ZNF318: variants seen among roughly 807,000 people sequenced by gnomAD.
The protein encoded by ZNF318 is zinc finger protein 318, also known as endocrine regulator.
A neutral mutation model predicts 124.2 loss-of-function variants in ZNF318; 51 were observed. That is an observed-to-expected ratio of 0.41 (90% CI 0.33 to 0.52). ZNF318 has a LOEUF of 0.52. Ranked by LOEUF, ZNF318 falls within the 20% of genes least tolerant of loss-of-function variation. The pLI is 0.23. For synonymous variants in ZNF318, 1,090 were observed against 1,040.7 expected (o/e 1.05, Z -0.91); for missense variants, 2,815 against 2,811.2 (o/e 1.00, Z -0.03).
chr6:43,357,763 T>A lies in ZNF318; in HGVS notation c.551A>T (p.Asp184Val). 6.3e-7 allele frequency: 1 copy of A among 1,582,210 alleles called. No homozygotes were observed. The highest frequency in any genetic ancestry group is 8.5e-7 in the Non-Finnish European group (1 of 1,173,054). ...PVDNLEDMDR[D>V]DLTDDSVFTR... Reference sequence around the variant, plus strand: ...GAAGACAGAATCATCAGTCAGGTCATCCCTGAGGAAAAAGAGAAGCATCAT... The same window carrying A: ...GAAGACAGAATCATCAGTCAGGTCAACCCTGAGGAAAAAGAGAAGCATCAT... Residue 184 changes from aspartate to valine, a missense_variant and splice_region_variant, in exon 3 of 10, where the codon GAT (aspartate) becomes GTT (valine). By Grantham distance (152) the Asp-to-Val change is radical. Around this residue, in one of 4 missense-constraint regions of ZNF318, gnomAD observed 1,377 missense variants for 1,353.5 expected, o/e 1.02. Coordinates refer to ENST00000361428, the MANE Select transcript of ZNF318 (RefSeq NM_014345.3).
Position 43,341,741 on chromosome 6 carries a change from A to C in ZNF318, c.3376+371T>G, listed in dbSNP as rs566847236. Among the ~76,000 whole-genome samples, 9 of 152,316 alleles carry C rather than the reference A, an allele frequency of 5.9e-5. No individual in the cohort carries two copies. The South Asian group carries it at 1.4e-3, about 25-fold the overall frequency. ...CTTACCCCTTAATAACAATGACTCAAAATATTGTATAGTTCTTAGTTGAAA... is the reference window on the plus strand; with the variant it reads ...CTTACCCCTTAATAACAATGACTCACAATATTGTATAGTTCTTAGTTGAAA... On this transcript the variant is annotated intron_variant, in intron 8 of 9. Transcript: ENST00000361428.
intron 2 of ZNF318, chr6:43,364,200 A>G (rs537887897): frequency 5.0e-5 from 37 of 746,518 alleles, no homozygotes; most frequent in African/African-American, 4.4e-4. Flanking sequence ...GGATTCACCA[A>G]GTCTCCCTAT....
Position 43,355,949 on chromosome 6 carries a change from T to A in ZNF318, c.1385A>T (p.Asp462Val), listed in dbSNP as rs769606351. 1.2e-6 allele frequency: 2 copies of A among 1,614,230 alleles called. No individual in the cohort carries two copies. The highest frequency in any genetic ancestry group is 2.2e-5 in the South Asian group (2 of 91,082). Residue 462 changes from aspartate to valine, a missense_variant, in exon 4 of 10, where the codon GAC becomes GTC. Physicochemically the swap from Asp to Val is radical, Grantham distance 152. This residue lies in a region of ZNF318 where 1,377 missense variants were observed against 1,353.5 expected (regional missense o/e 1.02). Transcript: ENST00000361428. ...QWGPLPGIPK[D>V]NSPLREKFGS... ...AAATTTTTCTCTGAGAGGACTGTTG[T>A]CTTTGGGAATCCCAGGAAGGGGACC... is the stretch of plus-strand genomic sequence containing the variant.
intron 6 of ZNF318, 51 bp from the exon 7 acceptor site, chr6:43,342,930 G>T: frequency 1.4e-6 from 2 of 1,471,012 alleles, no homozygotes; most frequent in Non-Finnish European, 1.9e-6. Context: ...ATCTAGACTT[G>T]TCTTCTGTTA....
At chr6:43,342,972 G>C in intron 6 of ZNF318, 93 bp from the exon 7 acceptor site, 13 of 924,016 alleles carry the variant, frequency 1.4e-5, no homozygotes, top group Non-Finnish European at 1.9e-5. Flanking sequence ...AATAGAAATA[G>C]GGCCATATGA....
chr6:43,357,337 T>C lies in ZNF318; in HGVS notation c.977A>G (p.Glu326Gly). The C allele has an allele frequency of 6.2e-7, 1 of 1,614,132 alleles. No individual in the cohort carries two copies. The highest frequency in any genetic ancestry group is 8.5e-7 in the Non-Finnish European group (1 of 1,180,018). The part of the protein sequence containing the change: ...RELDLARRKR[E>G]EEEERSRSLS... The stretch of plus-strand genomic sequence containing the variant: ...GCTCCTACTTCGCTCCTCCTCTTCC[T>C]CTCGCTTTCGTCTGGCAAGATCCAG... The change falls in exon 3 of 10, where the codon GAG becomes GGG. Residue 326 changes from glutamate to glycine, a missense_variant. Coordinates refer to ENST00000361428, the MANE Select transcript of ZNF318 (RefSeq NM_014345.3).
chr6:43,353,376 C>CTTT (rs11435695), intron 4 of ZNF318, among the ~76,000 whole-genome samples: 11 of 142,014 alleles, frequency 7.7e-5, no homozygotes, highest in South Asian at 2.2e-4. Flanking sequence ...TTCTTCAGAA[C>CTTT]TTTTTTTTTT....
rs1779290249 is a variant in ZNF318, at chr6:43,337,101, G to A, written c.*57C>T. 1.4e-6 allele frequency: 2 copies of A among 1,453,504 alleles called. No homozygotes were observed. Among genetic ancestry groups the A allele is most frequent in the Non-Finnish European group, 1.8e-6 (2 of 1,087,172 alleles). 90.0% of individuals were successfully genotyped at this position (1,453,504 alleles called of 1,614,324 possible). A position where few individuals can be genotyped will look rare whatever the true frequency, so the allele number is the denominator to read the frequency against. ...TAACAAACTAGTCTTGGATCATCTG[G>A]GCATCTGATTTCTAGAAGCCAATGA... On this transcript the variant is annotated 3_prime_UTR_variant, in exon 10 of 10. Coordinates refer to ENST00000361428, the MANE Select transcript of ZNF318 (RefSeq NM_014345.3).
chr6:43,337,205 T>C lies in ZNF318; in HGVS notation c.6793A>G (p.Thr2265Ala), dbSNP rs368872095. ...GTGTGGTCCTGGATGGCACCAACTG[T>C]AGTTTCCTGTTCAGGCATTCCCTGA... ...VPQGMPEQETTVGAIQDHTES... is the reference protein window; with the variant it reads ...VPQGMPEQETAVGAIQDHTES... Residue 2265 changes from threonine to alanine, a missense_variant, in exon 10 of 10, where the codon ACA (threonine) becomes GCA (alanine). By Grantham distance (58) the Thr-to-Ala change is moderately conservative (BLOSUM62 0). Transcript: ENST00000361428. The C allele has an allele frequency of 7.4e-6, 12 of 1,613,352 alleles. No individual in the cohort carries two copies. Among genetic ancestry groups the C allele is most frequent in the Non-Finnish European group, 1.0e-5 (12 of 1,179,624 alleles).
chr6:43,344,020 A>C (rs2150750295), intron 6 of ZNF318, among the ~76,000 whole-genome samples: 1 of 152,264 alleles, frequency 6.6e-6, no homozygotes, highest in African/African-American at 2.4e-5. Context: ...CAGGAAAAAA[A>C]GATAATTTTT....
chr6:43,340,543 T>C (rs1779360654), intron 9 of ZNF318, 41 bp from the exon 10 acceptor site: 2 of 1,540,936 alleles, frequency 1.3e-6, no homozygotes, highest in Non-Finnish European at 1.7e-6. Context: ...CTGGTGAAAA[T>C]ACAAGAGAAA....
Position 43,354,709 on chromosome 6 carries a change from T to C in ZNF318, c.2625A>G (p.Pro875=), listed in dbSNP as rs139052227. Residue 875 remains proline, a synonymous_variant, in exon 4 of 10, where the codon CCA becomes CCG. Coordinates refer to ENST00000361428, the MANE Select transcript of ZNF318 (RefSeq NM_014345.3). ...VSIPSLIRYN[P]EKISDEKNRA... ...GGTTCTTCTCATCAGAGATCTTCTCTGGATTATATCTTATGAGTGATGGAA... is the reference window on the plus strand; with the variant it reads ...GGTTCTTCTCATCAGAGATCTTCTCCGGATTATATCTTATGAGTGATGGAA... 5.6e-5 allele frequency: 90 copies of C among 1,613,688 alleles called. No individual in the cohort carries two copies. The highest frequency in any genetic ancestry group is 6.8e-5 in the Non-Finnish European group (80 of 1,179,942).
At chr6:43,368,570 C>T (rs1262523544) in intron 1 of ZNF318, 1 of 776,194 alleles carries the variant, frequency 1.3e-6, no homozygotes, top group East Asian at 1.3e-4. Context: ...CGGCTTTTTC[C>T]CCTAAGATCC....
rs1779577203 is a variant in ZNF318 at position 43,354,601 on chromosome 6, A to T, written c.2670+63T>A. The T allele has an allele frequency of 4.0e-6, 6 of 1,481,720 alleles. No individual in the cohort carries two copies. In the East Asian group the frequency reaches 1.4e-4, roughly 34 times the overall value. The allele number at this position is 1,481,720 out of a possible 1,614,324, so 91.8% of individuals were successfully genotyped here. On this transcript the variant is annotated intron_variant, in intron 4 of 9. Transcript: ENST00000361428. ...ACAAATTTTCAGCCCCTTCTAAAAA[A>T]CATATACAAATTTATGGCAAAACAG...
At position 43,337,441 on chromosome 6, in the gene ZNF318, T is replaced by A. The variant is rs549674215; in HGVS notation, c.6557A>T (p.Lys2186Ile). Reference sequence around the variant, plus strand: ...TGGCTCAGAGAGTGGAGAACACAGTTTATCTTTTTGAACTCCAGAGGTCCG... The same window carrying A: ...TGGCTCAGAGAGTGGAGAACACAGTATATCTTTTTGAACTCCAGAGGTCCG... Reference protein sequence around the residue: ...VTRTSGVQKDKLCSPLSEPGD... With the variant: ...VTRTSGVQKDILCSPLSEPGD... The change falls in exon 10 of 10, where the codon AAA becomes ATA. Residue 2186 changes from lysine to isoleucine, a missense_variant. Transcript: ENST00000361428. 1 of 1,614,198 alleles carries A rather than the reference T, an allele frequency of 6.2e-7. No individual in the cohort carries two copies. Among genetic ancestry groups the A allele is most frequent in the Admixed American group, 1.7e-5 (1 of 60,028 alleles).
intron 6 of ZNF318, among the ~76,000 whole-genome samples, chr6:43,347,476 A>G (rs2841643): frequency 0.99 from 150,121 of 152,376 alleles, 73,986 homozygotes; most frequent in East Asian, 1. Context: ...CAGTTAGGGA[A>G]AGCAGAGCAC....
In ZNF318 at chr6:43,338,987, A is replaced by G; in HGVS notation, c.5011T>C (p.Tyr1671His). Residue 1671 changes from tyrosine (Y) to histidine (H), a missense_variant, in exon 10 of 10, where the codon TAT (tyrosine) becomes CAT (histidine). Tyr to His is a moderately conservative substitution (Grantham distance 83). This residue lies in a region of ZNF318 where 927 missense variants were observed against 820.6 expected (regional missense o/e 1.13). Coordinates refer to ENST00000361428, the MANE Select transcript of ZNF318 (RefSeq NM_014345.3). ...CTTGTCAGAGGCTGTAGGAAGCCAT[A>G]GGTGCTGCCTGTGCTTTTTGGGCCT... The part of the protein sequence containing the change: ...HVGPKSTGST[Y>H]GFLQPLTRLC... 6 of 1,614,206 alleles carry G rather than the reference A, an allele frequency of 3.7e-6. No individual in the cohort carries two copies. The highest frequency in any genetic ancestry group is 5.1e-6 in the Non-Finnish European group (6 of 1,180,024).
At chr6:43,365,475 G>A (rs1779748559) in intron 1 of ZNF318, 35 bp from the exon 2 acceptor site, 2 of 1,592,138 alleles carry the variant, frequency 1.3e-6, no homozygotes, top group Admixed American at 1.7e-5. Flanking sequence ...TTAGTCAATA[G>A]GGTCAAGACA....
intron 2 of ZNF318, among the ~76,000 whole-genome samples, chr6:43,358,464 A>G (rs567713107): frequency 2.2e-5 from 3 of 139,272 alleles, no homozygotes; most frequent in East Asian, 2.1e-4. Flanking sequence ...GGGTTTCACC[A>G]TGTTAGCCAG....
Sources: allele counts gnomAD v4.1 joint callset (sites outside exome capture counted in the v4.1 genomes callset), GRCh38; gene constraint gnomAD v4.1.1; regional missense constraint gnomAD v4.1.1; transcripts MANE v1.5; gene names NCBI Gene and HGNC (gene_info 2026-07-23, HGNC 2026-07-21).